Variants in DNAH6 observed in about 807,000 individuals in gnomAD.
The protein encoded by DNAH6 is axonemal beta dynein heavy chain 6.
DNAH6 carries 340 observed loss-of-function variants against 491.4 expected under a neutral mutation model. The observed-to-expected ratio is 0.69, with a 90% confidence interval of 0.63 to 0.76. The LOEUF is 0.76. Ranked by LOEUF, DNAH6 falls within the 30% of genes least tolerant of loss-of-function variation. DNAH6 has a pLI of 0.00. For synonymous variants in DNAH6, 1,603 were observed against 1,686.1 expected, an observed-to-expected ratio of 0.95 and a Z score of 1.21; for missense variants, 4,443 against 4,972.2, an observed-to-expected ratio of 0.89 and a Z score of 3.20.
Position 84,605,568 on chromosome 2 carries a change from A to G in DNAH6, c.3150A>G (p.Ile1050Met). 1.3e-6 allele frequency: 2 copies of G among 1,551,496 alleles called. No homozygotes were observed. Among genetic ancestry groups the G allele is most frequent in the Non-Finnish European group, 1.7e-6 (2 of 1,146,830 alleles). The change falls in exon 20 of 77, where the codon ATA becomes ATG. Residue 1050 changes from isoleucine (I) to methionine (M), a missense_variant. Around this residue, in one of 3 missense-constraint regions of DNAH6, gnomAD observed 2,977 missense variants for 3,296.6 expected, o/e 0.90. Transcript: ENST00000389394. ...ACCGTGACTCCAAAGATGTGTTTAT[A>G]CTGGGCGGCACAGATGACATACAGG... ...LPHRDSKDVF[I>M]LGGTDDIQVL...
At chr2:84,695,292 T>C (rs1043195697) in intron 46 of DNAH6, among the ~76,000 whole-genome samples, 6 of 152,020 alleles carry the variant, frequency 3.9e-5, no homozygotes, top group African/African-American at 1.4e-4. Flanking sequence ...TGAAGGAAAT[T>C]GTAATAAATA....
chr2:84,595,599 T>C lies in DNAH6; in HGVS notation c.2725-47T>C, dbSNP rs549808820. The C allele has an allele frequency of 5.3e-5, 78 of 1,478,874 alleles. 2 individuals are homozygous for C. The South Asian group carries it at 1.0e-3, about 19-fold the overall frequency. 91.6% of individuals were successfully genotyped at this position (1,478,874 alleles called of 1,614,324 possible). On this transcript the variant is annotated intron_variant, in intron 17 of 76. Transcript: ENST00000389394. ...TTTTTAGTATTTCAAACCTGACTTT[T>C]ACTTTATGTTTTAACTTGTTTTGCT... is the stretch of plus-strand genomic sequence containing the variant.
At chr2:84,542,168 A>C (rs866812170) in intron 4 of DNAH6, among the ~76,000 whole-genome samples, 22 of 152,208 alleles carry the variant, frequency 1.4e-4, no homozygotes, top group South Asian at 8.3e-4. Context: ...AGTAGCAGAT[A>C]GATCACACAG....
chr2:84,599,003 A>G (rs1246427067), intron 18 of DNAH6, among the ~76,000 whole-genome samples: 1 of 143,080 alleles, frequency 7.0e-6, no homozygotes, highest in East Asian at 2.0e-4. Flanking sequence ...GTACTCAGGC[A>G]TGGGCCATAG....
chr2:84,803,528 T>C (rs1679124698), intron 70 of DNAH6, among the ~76,000 whole-genome samples: 1 of 151,826 alleles, frequency 6.6e-6, no homozygotes, highest in Non-Finnish European at 1.5e-5. Flanking sequence ...GCTTTCTATA[T>C]TATAGAATTA....
chr2:84,738,481 T>G (rs753397851), intron 62 of DNAH6, among the ~76,000 whole-genome samples: 2 of 152,140 alleles, frequency 1.3e-5, no homozygotes, highest in Non-Finnish European at 2.9e-5. Context: ...TGCCAAAGTC[T>G]TTCATTAAGC....
chr2:84,644,100 T>C (rs192148524), intron 33 of DNAH6, among the ~76,000 whole-genome samples: 60 of 152,320 alleles, frequency 3.9e-4, no homozygotes, highest in African/African-American at 1.3e-3. Context: ...AGTCTTTTAA[T>C]GAGCCTATGC....
intron 69 of DNAH6, among the ~76,000 whole-genome samples, chr2:84,796,667 G>GC (rs1406632934): frequency 1.3e-5 from 2 of 152,066 alleles, no homozygotes; most frequent in Non-Finnish European, 2.9e-5. Context: ...GTCTAAATCT[G>GC]TTTTCAATGT....
At chr2:84,590,552 G>C (rs1338782448) in intron 16 of DNAH6, among the ~76,000 whole-genome samples, 2 of 145,612 alleles carry the variant, frequency 1.4e-5, no homozygotes, top group Non-Finnish European at 3.0e-5. Flanking sequence ...CCTTGAGCAA[G>C]AAAGAATATC....
intron 21 of DNAH6, among the ~76,000 whole-genome samples, chr2:84,608,112 T>C (rs925837411): frequency 6.6e-6 from 1 of 152,222 alleles, no homozygotes; most frequent in African/African-American, 2.4e-5. Flanking sequence ...CAAGTCCTTA[T>C]CTATTCAAGT....
At chr2:84,565,188 G>A (rs888043394) in intron 11 of DNAH6, among the ~76,000 whole-genome samples, 4 of 151,966 alleles carry the variant, frequency 2.6e-5, no homozygotes, top group African/African-American at 9.7e-5. Context: ...TTGGTGTCAG[G>A]GTGATACTAG....
At chr2:84,582,042 C>T (rs1683083992) in intron 14 of DNAH6, among the ~76,000 whole-genome samples, 1 of 151,924 alleles carries the variant, frequency 6.6e-6, no homozygotes, top group South Asian at 2.1e-4. Flanking sequence ...ATATACTCGC[C>T]CAAAATAGAG....
chr2:84,508,392 A>T, the DNAH6 span, among the ~76,000 whole-genome samples: 1 of 152,046 alleles, frequency 6.6e-6, no homozygotes, highest in Non-Finnish European at 1.5e-5. Context: ...CAGTTTGTAT[A>T]TCTGTGGGAT....
intron 16 of DNAH6, among the ~76,000 whole-genome samples, chr2:84,591,861 T>C (rs1172148467): frequency 6.6e-6 from 1 of 151,648 alleles, no homozygotes; most frequent in Non-Finnish European, 1.5e-5. Context: ...GAGAGGATAG[T>C]CTCTTCAACA....
intron 58 of DNAH6, among the ~76,000 whole-genome samples, chr2:84,716,549 A>C (rs1235957531): frequency 6.6e-6 from 1 of 152,094 alleles, no homozygotes; most frequent in Non-Finnish European, 1.5e-5. Flanking sequence ...TTGTTTTAGG[A>C]ATTATTCTGC....
intron 18 of DNAH6, among the ~76,000 whole-genome samples, chr2:84,597,867 T>C (rs1490211129): frequency 6.6e-6 from 1 of 152,172 alleles, no homozygotes; most frequent in Non-Finnish European, 1.5e-5. Context: ...ATGCCTGTAA[T>C]CCCAATACTT....
intron 11 of DNAH6, among the ~76,000 whole-genome samples, chr2:84,564,577 G>T (rs917130932): frequency 6.6e-6 from 1 of 152,060 alleles, no homozygotes; most frequent in Non-Finnish European, 1.5e-5. Context: ...ATCAGTTCTA[G>T]GGGCCTTTTG....
intron 19 of DNAH6, among the ~76,000 whole-genome samples, chr2:84,605,149 T>C (rs112911565): frequency 0.04 from 6,020 of 150,680 alleles, 381 homozygotes; most frequent in African/African-American, 0.14. Flanking sequence ...AGATCAAGAC[T>C]ATCCTGGCTA....
chr2:84,733,932 A>G (rs990610600), intron 62 of DNAH6, among the ~76,000 whole-genome samples: 13 of 151,960 alleles, frequency 8.6e-5, no homozygotes, highest in Admixed American at 8.5e-4. Flanking sequence ...GGACAAATCA[A>G]AATTATAGTT....
Sources: allele counts gnomAD v4.1 joint callset (sites outside exome capture counted in the v4.1 genomes callset), GRCh38; gene constraint gnomAD v4.1.1; regional missense constraint gnomAD v4.1.1; transcripts MANE v1.5; gene names NCBI Gene and HGNC (gene_info 2026-07-23, HGNC 2026-07-21).